MICU1: variants seen among roughly 807,000 people sequenced by gnomAD.
MICU1 encodes mitochondrial calcium uptake 1.
Under a neutral mutation model 56.8 loss-of-function variants are expected in MICU1, and 45 were observed. The observed-to-expected ratio is 0.79, with a 90% CI of 0.62 to 1.02. MICU1 has a LOEUF of 1.02. MICU1 is among the 50% of genes least tolerant of loss of function. MICU1 has a pLI of 0.00. For synonymous variants in MICU1, 186 were observed against 195.1 expected (o/e 0.95, Z 0.39); for missense variants, 504 against 587.1 (o/e 0.86, Z 1.46).
chr10:72,399,044 A>G (rs953938927), intron 10 of MICU1, among the ~76,000 whole-genome samples: 34 of 152,246 alleles, frequency 2.2e-4, no homozygotes, highest in Non-Finnish European at 4.0e-4. Flanking sequence ...AAAATCCTCA[A>G]TAAAATACTG....
At chr10:72,385,570 C>G (rs1050847643) in intron 10 of MICU1, among the ~76,000 whole-genome samples, 11 of 152,094 alleles carry the variant, frequency 7.2e-5, no homozygotes, top group Non-Finnish European at 1.5e-5. Context: ...TCTTCCAGCC[C>G]TAAAATTTAA....
At chr10:72,594,452 G>C (rs769146486) in intron 1 of MICU1, among the ~76,000 whole-genome samples, 1 of 151,260 alleles carries the variant, frequency 6.6e-6, no homozygotes, top group Non-Finnish European at 1.5e-5. Context: ...AAAACTCCTA[G>C]AAAACCTAGA....
intron 11 of MICU1, among the ~76,000 whole-genome samples, chr10:72,375,036 C>A (rs1311123401): frequency 6.6e-6 from 1 of 151,740 alleles, no homozygotes; most frequent in African/African-American, 2.4e-5. Flanking sequence ...GTCTTGAGCT[C>A]CTGACCTCAG....
chr10:72,391,547 C>T lies in MICU1; in HGVS notation c.1181-15675G>A, dbSNP rs140373427. Among the ~76,000 whole-genome samples, 974 of 152,196 alleles carry T rather than the reference C, an allele frequency of 6.4e-3. 10 individuals carry two copies. The highest frequency in any genetic ancestry group is 0.022 in the African/African-American group (918 of 41,544). ...AAAAATACAGCATAACAACTATTTACTTAGCATTTACATAGTAATAGGTAT... is the reference window on the plus strand; with the variant it reads ...AAAAATACAGCATAACAACTATTTATTTAGCATTTACATAGTAATAGGTAT... On this transcript the variant is annotated intron_variant, in intron 10 of 11. Coordinates refer to ENST00000361114, the MANE Select transcript of MICU1 (RefSeq NM_001195518.2).
At position 72,494,183 on chromosome 10, in the gene MICU1, T is replaced by C. The variant is rs1866760044; in HGVS notation, c.652+13972A>G. ...GGACAATTTAACCTTAGGGCCGACC[T>C]GGGGGTAAAGCTGCCTAAGACATAA... On this transcript the variant is annotated intron_variant, in intron 6 of 11. Transcript: ENST00000361114. Among the ~76,000 whole-genome samples, 3 of 152,192 alleles carry C rather than the reference T, an allele frequency of 2.0e-5. No individual in the cohort carries two copies. In the South Asian group the frequency reaches 6.2e-4, roughly 31 times the overall value.
chr10:72,583,755 C>G (rs935979313), intron 1 of MICU1, among the ~76,000 whole-genome samples: 1 of 152,126 alleles, frequency 6.6e-6, no homozygotes, highest in African/African-American at 2.4e-5. Context: ...TTTTAAACAT[C>G]TCTATAGCTT....
At chr10:72,383,539 C>T (rs1331732642) in intron 10 of MICU1, among the ~76,000 whole-genome samples, 5 of 152,188 alleles carry the variant, frequency 3.3e-5, no homozygotes, top group Non-Finnish European at 5.9e-5. Flanking sequence ...GAGCAGCTTC[C>T]TTCAATAGCT....
chr10:72,455,789 A>G (rs953449927), intron 8 of MICU1, among the ~76,000 whole-genome samples: 3 of 152,200 alleles, frequency 2.0e-5, no homozygotes, highest in Non-Finnish European at 4.4e-5. Flanking sequence ...TGCATAGCAT[A>G]ATAGGGACTA....
intron 1 of MICU1, among the ~76,000 whole-genome samples, chr10:72,622,153 G>T (rs1174689790): frequency 6.6e-6 from 1 of 150,958 alleles, no homozygotes; most frequent in African/African-American, 2.4e-5. Context: ...TCGATCTCCT[G>T]ACCTCGTGAT....
intron 9 of MICU1, among the ~76,000 whole-genome samples, chr10:72,412,575 G>C (rs1007282581): frequency 6.6e-6 from 1 of 152,246 alleles, no homozygotes; most frequent in Admixed American, 6.5e-5. Flanking sequence ...GCAGGGCCAG[G>C]TGTGGTGGCT....
chr10:72,451,136 T>C (rs1201147881), intron 8 of MICU1, among the ~76,000 whole-genome samples: 1 of 150,316 alleles, frequency 6.7e-6, no homozygotes, highest in Non-Finnish European at 1.5e-5. Flanking sequence ...GTGATTCTCC[T>C]GCCTCAGCCT....
chr10:72,610,617 G>C (rs1301177335), intron 1 of MICU1, among the ~76,000 whole-genome samples: 1 of 152,192 alleles, frequency 6.6e-6, no homozygotes, highest in Non-Finnish European at 1.5e-5. Context: ...GGAAACAGCT[G>C]ACAGAAGTTG....
At chr10:72,420,706 A>C (rs1864130316) in intron 9 of MICU1, among the ~76,000 whole-genome samples, 1 of 148,792 alleles carries the variant, frequency 6.7e-6, no homozygotes, top group Admixed American at 6.7e-5. Context: ...ACAAGGTCTC[A>C]CTCTGTCACC....
chr10:72,375,378 T>G (rs1447109770), intron 11 of MICU1, among the ~76,000 whole-genome samples: 1 of 151,976 alleles, frequency 6.6e-6, no homozygotes, highest in Admixed American at 6.6e-5. Flanking sequence ...TGGAATGCTA[T>G]GGAGATGGAA....
At chr10:72,566,486 T>G (rs1281517524) in intron 2 of MICU1, 147 bp downstream of exon 2, 1 of 824,828 alleles carries the variant, frequency 1.2e-6, no homozygotes, top group Admixed American at 3.1e-5. Flanking sequence ...AAACATCTTA[T>G]TTCATAGACG....
intron 10 of MICU1, among the ~76,000 whole-genome samples, chr10:72,406,723 T>C (rs1863642972): frequency 6.6e-6 from 1 of 152,078 alleles, no homozygotes; most frequent in African/African-American, 2.4e-5. Context: ...GCCTCCCAGA[T>C]TCAAGCAATT....
At chr10:72,569,237 A>ATATATATATATATTT in intron 1 of MICU1, among the ~76,000 whole-genome samples, 1 of 34,392 alleles carries the variant, frequency 2.9e-5, no homozygotes, top group African/African-American at 1.1e-4. Flanking sequence ...ATATATATAT[A>ATATATATATATATTT]TTTTTTTTTT....
At position 72,551,179 on chromosome 10, in the gene MICU1, G is replaced by A. The variant is rs369851002; in HGVS notation, c.493C>T (p.His165Tyr). 38 of 1,596,366 alleles carry A rather than the reference G, an allele frequency of 2.4e-5. No individual in the cohort carries two copies. The highest frequency in any genetic ancestry group is 4.5e-5 in the East Asian group (2 of 44,222). ...CTTATATTTCACTTTAGCAACTTAC[G>A]TTCTGGTTGTTTTTCATTGGGTGTT... ...SITPNEKQPE[H>Y]LGLDQYIIKR... Residue 165 changes from histidine to tyrosine, a missense_variant and splice_region_variant, in exon 4 of 12, where the codon CAC (histidine) becomes TAC (tyrosine). By Grantham distance (83) the His-to-Tyr change is moderately conservative. Transcript: ENST00000361114.
chr10:72,526,812 T>C (rs1176239443), intron 5 of MICU1, among the ~76,000 whole-genome samples: 1 of 151,886 alleles, frequency 6.6e-6, no homozygotes, highest in Non-Finnish European at 1.5e-5. Flanking sequence ...GTATACGACC[T>C]CTTAAAAATT....
Sources: allele counts gnomAD v4.1 joint callset (sites outside exome capture counted in the v4.1 genomes callset), GRCh38; gene constraint gnomAD v4.1.1; transcripts MANE v1.5; gene names NCBI Gene and HGNC (gene_info 2026-07-23, HGNC 2026-07-21).